The following CDH13 variants were observed in gnomAD, a reference collection of about 807,000 sequenced individuals.
CDH13 encodes cadherin-13.
In CDH13, 24 loss-of-function variants were observed where a neutral mutation model predicts 63.8. That is an observed-to-expected ratio of 0.38 (90% CI 0.27 to 0.53). The LOEUF (loss-of-function observed/expected upper bound fraction) is 0.53, where lower values mean the gene tolerates loss of function less well. Among genes scored for constraint, CDH13 ranks in the 20% least tolerant of loss-of-function variants. The pLI, the probability that CDH13 is intolerant of heterozygous loss-of-function variation, is 0.85. For missense variants in CDH13, 1,049 were observed against 903.1 expected, an observed-to-expected ratio of 1.16 and a Z score of -2.07; for synonymous variants, 503 against 355.3, an observed-to-expected ratio of 1.42 and a Z score of -4.67.
intron 5 of CDH13, among the ~76,000 whole-genome samples, chr16:83,323,472 G>C (rs904244630): frequency 5.9e-5 from 8 of 136,692 alleles, no homozygotes; most frequent in Admixed American, 1.5e-4. Context: ...GTATAAATAC[G>C]GTTTCACCAT....
At chr16:83,497,316 G>A (rs1039384474) in intron 7 of CDH13, among the ~76,000 whole-genome samples, 5 of 152,004 alleles carry the variant, frequency 3.3e-5, no homozygotes, top group African/African-American at 4.8e-5. Context: ...ATACACCATG[G>A]AATACTATGC....
chr16:83,268,647 G>A (rs917261060), intron 5 of CDH13, among the ~76,000 whole-genome samples: 12 of 152,142 alleles, frequency 7.9e-5, no homozygotes, highest in Admixed American at 1.3e-4. Flanking sequence ...AATGGGTGTC[G>A]CATCCTGGTC....
intron 6 of CDH13, among the ~76,000 whole-genome samples, chr16:83,389,040 C>T (rs1426654607): frequency 6.6e-6 from 1 of 152,314 alleles, no homozygotes; most frequent in East Asian, 1.9e-4. Context: ...CAGGGAAGGG[C>T]TCTGAGAATC....
At chr16:82,672,834 A>G (rs1360999579) in intron 1 of CDH13, among the ~76,000 whole-genome samples, 1 of 151,658 alleles carries the variant, frequency 6.6e-6, no homozygotes, top group South Asian at 2.1e-4. Flanking sequence ...ATATATTTGG[A>G]GACAGAGCCT....
chr16:82,846,093 A>G (rs2039244505), intron 1 of CDH13, among the ~76,000 whole-genome samples: 1 of 152,198 alleles, frequency 6.6e-6, no homozygotes, highest in Admixed American at 6.5e-5. Context: ...AACAACCCAG[A>G]GTTTATTTCT....
At chr16:82,745,088 G>A (rs1371011869) in intron 1 of CDH13, among the ~76,000 whole-genome samples, 1 of 152,170 alleles carries the variant, frequency 6.6e-6, no homozygotes, top group Non-Finnish European at 1.5e-5. Context: ...TTAAAACTCA[G>A]AATCTCTGAC....
intron 10 of CDH13, among the ~76,000 whole-genome samples, chr16:83,712,303 G>A (rs535015943): frequency 6.6e-6 from 1 of 152,194 alleles, no homozygotes; most frequent in East Asian, 1.9e-4. Context: ...AGAGCACTGG[G>A]GGCTCTTGCG....
chr16:83,619,351 G>T (rs745744643), intron 8 of CDH13, among the ~76,000 whole-genome samples: 4 of 152,208 alleles, frequency 2.6e-5, no homozygotes, highest in Admixed American at 1.3e-4. Context: ...ATAACAGAGG[G>T]GGACTGCGAG....
chr16:83,322,000 G>C (rs1567590233), intron 5 of CDH13, among the ~76,000 whole-genome samples: 1 of 152,206 alleles, frequency 6.6e-6, no homozygotes, highest in Non-Finnish European at 1.5e-5. Flanking sequence ...GAGCCACAGA[G>C]GTAGCTGTGC....
intron 6 of CDH13, among the ~76,000 whole-genome samples, chr16:83,470,614 A>G (rs2073428944): frequency 6.6e-6 from 1 of 152,046 alleles, no homozygotes; most frequent in African/African-American, 2.4e-5. Flanking sequence ...CACCCTACTC[A>G]TTGGCAGGAG....
At chr16:83,007,017 G>A (rs566318925) in intron 2 of CDH13, among the ~76,000 whole-genome samples, 5 of 151,530 alleles carry the variant, frequency 3.3e-5, no homozygotes, top group African/African-American at 9.7e-5. Flanking sequence ...TCTGCCTCCC[G>A]GGCTCAGGCG....
chr16:83,282,820 A>T (rs1439887581), intron 5 of CDH13, among the ~76,000 whole-genome samples: 1 of 152,216 alleles, frequency 6.6e-6, no homozygotes, highest in Non-Finnish European at 1.5e-5. Context: ...GTGGATTTTC[A>T]TCAAAGCATA....
intron 11 of CDH13, among the ~76,000 whole-genome samples, chr16:83,774,475 C>T (rs1041224387): frequency 5.3e-5 from 8 of 152,036 alleles, no homozygotes; most frequent in African/African-American, 1.2e-4. Flanking sequence ...TGGGTTCAAG[C>T]GATTCTCCTG....
At chr16:83,184,346 G>T (rs1370152187) in intron 4 of CDH13, among the ~76,000 whole-genome samples, 1 of 152,170 alleles carries the variant, frequency 6.6e-6, no homozygotes, top group African/African-American at 2.4e-5. Flanking sequence ...TGCTTTCAAT[G>T]GGATTGTCCT....
intron 9 of CDH13, among the ~76,000 whole-genome samples, chr16:83,674,631 C>G (rs1295860998): frequency 1.3e-5 from 2 of 152,220 alleles, no homozygotes; most frequent in African/African-American, 4.8e-5. Flanking sequence ...TCTGCCCTAA[C>G]CAGTTAGCAA....
At chr16:82,893,897 C>T (rs1051621928) in intron 2 of CDH13, among the ~76,000 whole-genome samples, 1 of 152,188 alleles carries the variant, frequency 6.6e-6, no homozygotes, top group Non-Finnish European at 1.5e-5. Flanking sequence ...TGACATCATT[C>T]CCCCGTCCTC....
In CDH13 at chr16:83,366,098, T is replaced by C. The variant is rs146128979; in HGVS notation, c.781+21092T>C. Among the ~76,000 whole-genome samples, 16 of 152,342 alleles carry C rather than the reference T, an allele frequency of 1.1e-4. 1 individual carries two copies. Among genetic ancestry groups the C allele is most frequent in the Middle Eastern group, 3.4e-3 (1 of 294 alleles). On this transcript the variant is annotated intron_variant, in intron 6 of 13. Transcript: ENST00000567109. ...AAACTAATACAGAATGTGGTTACAT[T>C]ATCTTACATACCATTTAAGAGTAAA...
At chr16:82,670,894 G>C (rs1913161324) in intron 1 of CDH13, among the ~76,000 whole-genome samples, 1 of 152,174 alleles carries the variant, frequency 6.6e-6, no homozygotes, top group Non-Finnish European at 1.5e-5. Flanking sequence ...GGCTGTCACT[G>C]TTCCTCCTCC....
chr16:83,028,835 G>A (rs1916052122), intron 2 of CDH13, among the ~76,000 whole-genome samples: 1 of 152,166 alleles, frequency 6.6e-6, no homozygotes, highest in South Asian at 2.1e-4. Context: ...AAGCCATGGA[G>A]ATGGGGGAAC....
Sources: allele counts gnomAD v4.1 joint callset (sites outside exome capture counted in the v4.1 genomes callset), GRCh38; gene constraint gnomAD v4.1.1; transcripts MANE v1.5; gene names NCBI Gene and HGNC (gene_info 2026-07-23, HGNC 2026-07-21).